The following ZEB1 variants were observed in gnomAD, a reference collection of about 807,000 sequenced individuals.
ZEB1 encodes zinc finger E-box-binding homeobox 1.
ZEB1 carries 21 observed loss-of-function variants against 84.9 expected under a neutral mutation model. The ratio of observed to expected loss-of-function variants is 0.25; its 90% CI spans 0.18 to 0.36. The LOEUF (loss-of-function observed/expected upper bound fraction) is 0.36, where lower values mean the gene tolerates loss of function less well. Ranked by LOEUF, ZEB1 falls within the 10% of genes least tolerant of loss-of-function variation. ZEB1 has a pLI of 1.00. For synonymous variants in ZEB1, 420 were observed against 471.1 expected (o/e 0.89, Z 1.41); for missense variants, 1,104 against 1,330.2 (o/e 0.83, Z 2.65).
intron 1 of ZEB1, among the ~76,000 whole-genome samples, chr10:31,327,823 A>G (rs1046103466): frequency 6.6e-6 from 1 of 152,232 alleles, no homozygotes; most frequent in African/African-American, 2.4e-5. Context: ...GGTATTGTAC[A>G]ACATTCTACA....
Position 31,521,793 on chromosome 10 carries a change from C to A in ZEB1, c.2461C>A (p.Gln821Lys). 6.2e-7 allele frequency: 1 copy of A among 1,614,000 alleles called. No individual in the cohort carries two copies. The highest frequency in any genetic ancestry group is 1.1e-5 in the South Asian group (1 of 91,080). The change falls in exon 7 of 9, where the codon CAG becomes AAG. Residue 821 changes from glutamine (Q) to lysine (K), a missense_variant. This residue lies in a region of ZEB1 where 531 missense variants were observed against 575.2 expected (regional missense o/e 0.92). Coordinates refer to ENST00000424869, the MANE Select transcript of ZEB1 (RefSeq NM_001174096.2). ...ACCCACAATCGTGGCCATTGCTGAC[C>A]AGAACAGTGTTCCATGCTTAAGAGC... ...QLPTIVAIAD[Q>K]NSVPCLRALA...
At chr10:31,452,736 T>TGAGA (rs1236506186) in intron 1 of ZEB1, among the ~76,000 whole-genome samples, 2 of 112,876 alleles carry the variant, frequency 1.8e-5, no homozygotes, top group African/African-American at 9.5e-5. Flanking sequence ...TGTGTGTGTG[T>TGAGA]GTGTGTGAGA....
chr10:31,332,190 A>G (rs1590017104), intron 1 of ZEB1, among the ~76,000 whole-genome samples: 1 of 152,220 alleles, frequency 6.6e-6, no homozygotes, highest in South Asian at 2.1e-4. Flanking sequence ...TACCACCACC[A>G]TAAATTAGTA....
At chr10:31,327,267 T>C (rs1349107032) in intron 1 of ZEB1, among the ~76,000 whole-genome samples, 1 of 151,910 alleles carries the variant, frequency 6.6e-6, no homozygotes, top group African/African-American at 2.4e-5. Context: ...CACACCGCCA[T>C]GCCTGGCTGA....
intron 1 of ZEB1, among the ~76,000 whole-genome samples, chr10:31,426,689 GT>G (rs1351279339): frequency 6.6e-6 from 1 of 152,106 alleles, no homozygotes; most frequent in African/African-American, 2.4e-5. Flanking sequence ...AGATTGTATA[GT>G]GCCTTTACAA....
chr10:31,332,090 C>T (rs928387372), intron 1 of ZEB1, among the ~76,000 whole-genome samples: 2 of 152,022 alleles, frequency 1.3e-5, no homozygotes, highest in African/African-American at 2.4e-5. Context: ...CTGATGTATC[C>T]TGCTTTCCTG....
At chr10:31,492,220 T>C (rs2066629689) in intron 2 of ZEB1, among the ~76,000 whole-genome samples, 1 of 151,900 alleles carries the variant, frequency 6.6e-6, no homozygotes, top group Non-Finnish European at 1.5e-5. Flanking sequence ...TTTTCAACTT[T>C]ACAGTGGTGT....
At chr10:31,400,836 A>G (rs2051842347) in intron 1 of ZEB1, among the ~76,000 whole-genome samples, 1 of 152,090 alleles carries the variant, frequency 6.6e-6, no homozygotes, top group African/African-American at 2.4e-5. Flanking sequence ...AAAGCTACCA[A>G]ATAATTAGTT....
intron 1 of ZEB1, among the ~76,000 whole-genome samples, chr10:31,327,904 G>A (rs920018061): frequency 1.3e-5 from 2 of 152,132 alleles, no homozygotes; most frequent in African/African-American, 4.8e-5. Flanking sequence ...GTTTATTAGG[G>A]AGGTTGATCA....
chr10:31,417,433 T>C (rs1184708469), intron 1 of ZEB1, among the ~76,000 whole-genome samples: 3 of 152,170 alleles, frequency 2.0e-5, no homozygotes, highest in African/African-American at 7.2e-5. Flanking sequence ...TTCTGGATCC[T>C]GAGAGTATCT....
rs545619203 is a variant in ZEB1 at position 31,354,394 on chromosome 10, A to G, written c.58+35102A>G. Among the ~76,000 whole-genome samples the G allele has an allele frequency of 3.9e-5, 6 of 152,320 alleles. No homozygotes were observed. The South Asian group carries it at 8.3e-4, about 21-fold the overall frequency. ...TTTTCTCGATTCTAAAAGCTCATCA[A>G]TTGTAAGGCACATTCTTTGATTTCA... On this transcript the variant is annotated intron_variant, in intron 1 of 8. Coordinates refer to ENST00000424869, the MANE Select transcript of ZEB1 (RefSeq NM_001174096.2).
intron 2 of ZEB1, among the ~76,000 whole-genome samples, chr10:31,466,183 C>T (rs2062398683): frequency 6.6e-6 from 1 of 152,094 alleles, no homozygotes; most frequent in Non-Finnish European, 1.5e-5. Context: ...TCATAGGGGT[C>T]TTCAGTGCTT....
At chr10:31,415,933 G>A (rs1034126893) in intron 1 of ZEB1, among the ~76,000 whole-genome samples, 10 of 152,030 alleles carry the variant, frequency 6.6e-5, no homozygotes, top group Non-Finnish European at 1.3e-4. Context: ...ATTTAAGAGA[G>A]CGTTAGAACA....
intron 1 of ZEB1, among the ~76,000 whole-genome samples, chr10:31,442,800 C>G (rs1250926531): frequency 6.6e-6 from 1 of 152,122 alleles, no homozygotes; most frequent in Non-Finnish European, 1.5e-5. Flanking sequence ...ATGTCAAATG[C>G]TGCTAAAAGA....
chr10:31,460,888 G>T, intron 1 of ZEB1, 149 bp from the exon 2 acceptor site: 2 of 698,318 alleles, frequency 2.9e-6, no homozygotes, highest in Admixed American at 2.2e-5. Context: ...TTACATATGT[G>T]TGTTGTCAAA....
chr10:31,475,459 A>G (rs1463629276), intron 2 of ZEB1, among the ~76,000 whole-genome samples: 5 of 152,184 alleles, frequency 3.3e-5, no homozygotes, highest in Non-Finnish European at 5.9e-5. Context: ...CCTGAAAAAT[A>G]CTGTACAACA....
At chr10:31,466,908 G>A (rs958597670) in intron 2 of ZEB1, among the ~76,000 whole-genome samples, 1 of 152,152 alleles carries the variant, frequency 6.6e-6, no homozygotes, top group Non-Finnish European at 1.5e-5. Context: ...AATGAAAAAT[G>A]AGGAGAGGGA....
intron 1 of ZEB1, among the ~76,000 whole-genome samples, chr10:31,401,702 C>G (rs576570832): frequency 6.6e-6 from 1 of 152,230 alleles, no homozygotes; most frequent in East Asian, 1.9e-4. Context: ...AGAAGAGACT[C>G]CACTAATTTG....
rs760008995 is a variant in ZEB1 at position 31,466,024 on chromosome 10, C to T, written c.259+4787C>T. ...ATAAATTTTAAGTAAAAAATTGTCA[C>T]AAGAGGCAATGAAGGTCATTGTATA... On this transcript the variant is annotated intron_variant, in intron 2 of 8. Transcript: ENST00000424869. Among the ~76,000 whole-genome samples the T allele has an allele frequency of 2.6e-5, 4 of 152,180 alleles. 1 individual carries two copies. Among genetic ancestry groups the T allele is most frequent in the Admixed American group, 2.0e-4 (3 of 15,294 alleles).
Sources: allele counts gnomAD v4.1 joint callset (sites outside exome capture counted in the v4.1 genomes callset), GRCh38; gene constraint gnomAD v4.1.1; regional missense constraint gnomAD v4.1.1; transcripts MANE v1.5; gene names NCBI Gene and HGNC (gene_info 2026-07-23, HGNC 2026-07-21).